The following PDE6A variants were observed in gnomAD, a reference collection of about 807,000 sequenced individuals.
PDE6A encodes phosphodiesterase 6A.
A neutral mutation model predicts 106.3 loss-of-function variants in PDE6A; 84 were observed. That is an observed-to-expected ratio of 0.79 (90% CI 0.66 to 0.95). The LOEUF (loss-of-function observed/expected upper bound fraction) is 0.95. PDE6A is among the 40% of genes least tolerant of loss of function. The pLI is 0.00. For synonymous variants in PDE6A, 394 were observed against 386.6 expected (o/e 1.02, Z -0.23); for missense variants, 1,052 against 1,084.9 (o/e 0.97, Z 0.43).
intron 19 of PDE6A, chr5:149,866,987 T>C (rs1236956775): frequency 6.4e-6 from 1 of 155,052 alleles, no homozygotes; most frequent in Non-Finnish European, 1.4e-5. Flanking sequence ...ATGGGGCCCT[T>C]CACGTGTTTC....
In PDE6A at chr5:149,932,089, G is replaced by T. The variant is rs554374223; in HGVS notation, c.718-921C>A. The T allele has an allele frequency of 5.2e-6, 7 of 1,352,004 alleles. No homozygotes were observed. In the African/African-American group the frequency reaches 8.5e-5, roughly 16 times the overall value. The allele number at this position is 1,352,004 out of a possible 1,614,324, so 83.8% of individuals were successfully genotyped here. A position where few individuals can be genotyped will look rare whatever the true frequency, so the allele number is the denominator to read the frequency against. On this transcript the variant is annotated intron_variant, in intron 3 of 21. Coordinates refer to ENST00000255266, the MANE Select transcript of PDE6A (RefSeq NM_000440.3). ...TACACGACCATTTCTCTTTTAGCAC[G>T]TTCTTTGTTCTCCTCGTCCGGAAGT... is the stretch of plus-strand genomic sequence containing the variant.
Position 149,863,046 on chromosome 5 carries a change from C to T in PDE6A, c.2506+73G>A. ...TGAATGAGACTCCGTGTAAGAGTCT[C>T]TGAGGCAGGACGCAGACACTGAGTG... On this transcript the variant is annotated intron_variant, in intron 21 of 21. Coordinates refer to ENST00000255266, the MANE Select transcript of PDE6A (RefSeq NM_000440.3). This position sits in a 1 kb window ranked among gnomAD's most constrained non-coding sequence, Gnocchi z 4.7. 1 of 1,581,696 alleles carries T rather than the reference C, an allele frequency of 6.3e-7. No individual in the cohort carries two copies. Among genetic ancestry groups the T allele is most frequent in the Non-Finnish European group, 8.7e-7 (1 of 1,150,668 alleles).
chr5:149,876,828 T>C (rs1760757870), intron 17 of PDE6A, among the ~76,000 whole-genome samples: 1 of 152,110 alleles, frequency 6.6e-6, no homozygotes, highest in African/African-American at 2.4e-5. Context: ...CAACTTATCT[T>C]TTATTTTTAA....
chr5:149,930,738 T>C (rs1352483168), intron 4 of PDE6A, among the ~76,000 whole-genome samples: 1 of 152,206 alleles, frequency 6.6e-6, no homozygotes, highest in Non-Finnish European at 1.5e-5. Context: ...ACATAGAAAT[T>C]TCTTTATCAC....
In PDE6A at chr5:149,863,408, G is replaced by C; in HGVS notation, c.2359-142C>G. ...CTCCCGCCACCGTGCTGATACTGCAGGGCCTCCGGTCTACACCAGCCCATG... is the reference window on the plus strand; with the variant it reads ...CTCCCGCCACCGTGCTGATACTGCACGGCCTCCGGTCTACACCAGCCCATG... On this transcript the variant is annotated intron_variant, in intron 20 of 21. Coordinates refer to ENST00000255266, the MANE Select transcript of PDE6A (RefSeq NM_000440.3). This position sits in a 1 kb window ranked among gnomAD's most constrained non-coding sequence, Gnocchi z 4.7. The C allele has an allele frequency of 1.2e-6, 1 of 807,756 alleles. No individual in the cohort carries two copies. Among genetic ancestry groups the C allele is most frequent in the Middle Eastern group, 3.3e-4 (1 of 3,022 alleles). 50.0% of individuals were successfully genotyped at this position (807,756 alleles called of 1,614,324 possible). A position where few individuals can be genotyped will look rare whatever the true frequency, so the allele number is the denominator to read the frequency against.
chr5:149,942,838 T>C (rs1336787715), intron 1 of PDE6A, among the ~76,000 whole-genome samples: 6 of 151,986 alleles, frequency 3.9e-5, no homozygotes, highest in Non-Finnish European at 7.4e-5. Context: ...AGCATCTCAG[T>C]GCAGTAAAGA....
At chr5:149,910,745 C>G (rs576509853) in intron 6 of PDE6A, among the ~76,000 whole-genome samples, 1 of 151,904 alleles carries the variant, frequency 6.6e-6, no homozygotes, top group Non-Finnish European at 1.5e-5. Flanking sequence ...CCTAACAGAT[C>G]GAACTAAAAA....
chr5:149,940,505 C>CTTTTTTTTTT (rs56930344), intron 1 of PDE6A, among the ~76,000 whole-genome samples: 4 of 142,026 alleles, frequency 2.8e-5, no homozygotes, highest in Admixed American at 7.2e-5. Flanking sequence ...TGTTTGAATC[C>CTTTTTTTTTT]TTTTTTTTTT....
chr5:149,913,338 G>A (rs114685851), intron 6 of PDE6A, among the ~76,000 whole-genome samples: 6 of 150,264 alleles, frequency 4.0e-5, no homozygotes, highest in Admixed American at 2.7e-4. Flanking sequence ...GCTGAGATTC[G>A]GCCACTGCAC....
chr5:149,882,151 C>T (rs1760953932), intron 17 of PDE6A, among the ~76,000 whole-genome samples: 1 of 151,936 alleles, frequency 6.6e-6, no homozygotes, highest in Admixed American at 6.6e-5. Flanking sequence ...TGAGCATGCC[C>T]CCTTGTTCAG....
At chr5:149,906,487 C>A (rs564591586) in intron 7 of PDE6A, among the ~76,000 whole-genome samples, 47 of 118,490 alleles carry the variant, frequency 4.0e-4, no homozygotes, top group African/African-American at 1.5e-3. Flanking sequence ...ATTCTCACCA[C>A]TGCATTCCAG....
chr5:149,934,001 T>A lies in PDE6A; in HGVS notation c.646A>T (p.Asn216Tyr). Reference protein sequence around the residue: ...RDEEILLKYLNFANLIMKVYH... With the variant: ...RDEEILLKYLYFANLIMKVYH... ...ACCTTCATGATTAGATTTGCAAAAT[T>A]GAGGTACTTGAGAAGAATCTAAAAA... The change falls in exon 3 of 22, where the codon AAT becomes TAT. Residue 216 changes from asparagine to tyrosine, a missense_variant. By Grantham distance (143) the Asn-to-Tyr change is moderately radical (BLOSUM62 -2). Around this residue, in one of 3 missense-constraint regions of PDE6A, gnomAD observed 913 missense variants for 915.2 expected, o/e 1.00. Coordinates refer to ENST00000255266, the MANE Select transcript of PDE6A (RefSeq NM_000440.3). 1 of 1,609,782 alleles carries A rather than the reference T, an allele frequency of 6.2e-7. No homozygotes were observed. The highest frequency in any genetic ancestry group is 8.5e-7 in the Non-Finnish European group (1 of 1,176,190).
At chr5:149,911,501 T>C (rs1177218764) in intron 6 of PDE6A, among the ~76,000 whole-genome samples, 1 of 152,212 alleles carries the variant, frequency 6.6e-6, no homozygotes, top group East Asian at 1.9e-4. Context: ...CTTTGTCTTT[T>C]GACTATGGTT....
chr5:149,873,147 A>G (rs958320262), intron 17 of PDE6A, among the ~76,000 whole-genome samples: 12 of 152,228 alleles, frequency 7.9e-5, no homozygotes, highest in African/African-American at 2.9e-4. Context: ...ATTTGTCTTC[A>G]TACCAACACA....
chr5:149,885,953 C>A (rs1561710756), intron 14 of PDE6A, among the ~76,000 whole-genome samples: 1 of 152,164 alleles, frequency 6.6e-6, no homozygotes, highest in Non-Finnish European at 1.5e-5. Context: ...CTTATAAGGA[C>A]CATTGGGACT....
rs115834030 is a variant in PDE6A, at chr5:149,874,686, T to G, written c.2136-6528A>C. 1.9e-3 allele frequency among the ~76,000 whole-genome samples: 284 copies of G among 152,312 alleles called. 1 individual carries two copies. The highest frequency in any genetic ancestry group is 6.4e-3 in the African/African-American group (266 of 41,564). ...AAAGTTCCAAGCTTCAAATGAAGGC[T>G]TGGTCTTTCTGGTGACCAGCCCCTA... On this transcript the variant is annotated intron_variant, in intron 17 of 21. Coordinates refer to ENST00000255266, the MANE Select transcript of PDE6A (RefSeq NM_000440.3).
intron 16 of PDE6A, among the ~76,000 whole-genome samples, chr5:149,884,144 C>T (rs573652550): frequency 9.1e-4 from 137 of 149,804 alleles, no homozygotes; most frequent in African/African-American, 3.1e-3. Flanking sequence ...ATGGTGCCAC[C>T]GCACTCTAGC....
At chr5:149,896,689 G>C (rs748822646) in intron 11 of PDE6A, 22 bp downstream of exon 11, 3 of 1,613,892 alleles carry the variant, frequency 1.9e-6, no homozygotes, top group African/African-American at 2.7e-5. Flanking sequence ...ATCGGGGCTC[G>C]TGCTGCCCCG....
chr5:149,914,735 T>C (rs566250060), intron 6 of PDE6A, among the ~76,000 whole-genome samples: 7 of 152,158 alleles, frequency 4.6e-5, no homozygotes, highest in East Asian at 3.9e-4. Context: ...TCCCACCTTA[T>C]AAGAAAAGTA....
Sources: allele counts gnomAD v4.1 joint callset (sites outside exome capture counted in the v4.1 genomes callset), GRCh38; gene constraint gnomAD v4.1.1; regional missense constraint gnomAD v4.1.1; non-coding constraint Gnocchi (gnomAD v3.1); transcripts MANE v1.5; gene names NCBI Gene and HGNC (gene_info 2026-07-23, HGNC 2026-07-21).